The following TOMM40L variants were observed in gnomAD, a reference collection of about 807,000 sequenced individuals.
TOMM40L encodes the protein translocase of outer mitochondrial membrane 40 like.
Under a neutral mutation model 38.3 loss-of-function variants are expected in TOMM40L, and 17 were observed. The observed-to-expected ratio is 0.44, with a 90% CI of 0.30 to 0.67. TOMM40L has a LOEUF of 0.67. Among genes scored for constraint, TOMM40L ranks in the 30% least tolerant of loss-of-function variants. The probability of loss-of-function intolerance (pLI) is 0.08; values close to 1 mark genes in which losing one functional copy is unlikely to be tolerated. For missense variants in TOMM40L, 294 were observed against 390.0 expected, an observed-to-expected ratio of 0.75 and a Z score of 2.07; for synonymous variants, 151 against 150.2, an observed-to-expected ratio of 1.01 and a Z score of -0.04.
chr1:161,228,106 G>A, intron 6 of TOMM40L, 80 bp from the exon 7 acceptor site: 4 of 1,583,100 alleles, frequency 2.5e-6, no homozygotes, highest in Non-Finnish European at 3.4e-6. Flanking sequence ...GGCAGGCTGG[G>A]GTGGCGGTTA....
Position 161,226,145 on chromosome 1 carries a change from T to C in TOMM40L, c.-136+9T>C, listed in dbSNP as rs1208863161. ...CATGATGGTCTGAGATGGTAAGGGA[T>C]ACTGCACCATTGCGGGCCTGGTCTT... On this transcript the variant is annotated intron_variant, in intron 1 of 9. Transcript: ENST00000367988. The C allele has an allele frequency of 4.2e-6, 1 of 238,068 alleles. No homozygotes were observed. Among genetic ancestry groups the C allele is most frequent in the Non-Finnish European group, 8.3e-6 (1 of 120,516 alleles). 14.7% of individuals were successfully genotyped at this position (238,068 alleles called of 1,614,324 possible). A position where few individuals can be genotyped will look rare whatever the true frequency, so the allele number is the denominator to read the frequency against.
Position 161,229,220 on chromosome 1 carries a change from T to C in TOMM40L, c.*125T>C. 8 of 1,393,322 alleles carry C rather than the reference T, an allele frequency of 5.7e-6. No homozygotes were observed. The highest frequency in any genetic ancestry group is 2.3e-4 in the Middle Eastern group (1 of 4,378). The allele number at this position is 1,393,322 out of a possible 1,614,324, so 86.3% of individuals were successfully genotyped here. ...TCTCTAGGACCCAGGAGCAGAGTGG[T>C]GGACAGGACCATGCCCTCCTCAGAA... is the stretch of plus-strand genomic sequence containing the variant. On this transcript the variant is annotated 3_prime_UTR_variant, in exon 10 of 10. Coordinates refer to ENST00000367988, the MANE Select transcript of TOMM40L (RefSeq NM_032174.6).
At chr1:161,227,499 T>G in intron 4 of TOMM40L, 137 bp from the exon 5 acceptor site, 1 of 1,052,410 alleles carries the variant, frequency 9.5e-7, no homozygotes, top group Non-Finnish European at 1.4e-6. Flanking sequence ...AGAGAAACAT[T>G]TTCTGTGAAG....
Position 161,229,096 on chromosome 1 carries a change from G to A in TOMM40L, c.*1G>A, listed in dbSNP as rs1208741264. On this transcript the variant is annotated 3_prime_UTR_variant, in exon 10 of 10. Transcript: ENST00000367988. ...TGGCTTCAGCATCACTGTGGGCTGA[G>A]GTTGTCCAGAGCCAGCCCCCACAGC... is the stretch of plus-strand genomic sequence containing the variant. 3.5e-5 allele frequency: 56 copies of A among 1,614,064 alleles called. No individual in the cohort carries two copies. Among genetic ancestry groups the A allele is most frequent in the Non-Finnish European group, 4.6e-5 (54 of 1,180,036 alleles).
chr1:161,229,726 G>A lies in TOMM40L; in HGVS notation c.*631G>A, dbSNP rs537248708. 6.2e-7 allele frequency: 1 copy of A among 1,614,190 alleles called. No individual in the cohort carries two copies. The highest frequency in any genetic ancestry group is 1.1e-5 in the South Asian group (1 of 91,082). ...CCCTTTGAACCCGGCCCAATCTTTG[G>A]TCCCAGCATTTTCCCACTCCAGTGT... On this transcript the variant is annotated 3_prime_UTR_variant, in exon 10 of 10. Coordinates refer to ENST00000367988, the MANE Select transcript of TOMM40L (RefSeq NM_032174.6).
At position 161,229,868 on chromosome 1, in the gene TOMM40L, A is replaced by G. The variant is rs1213536219; in HGVS notation, c.*773A>G. On this transcript the variant is annotated 3_prime_UTR_variant, in exon 10 of 10. Transcript: ENST00000367988. Reference sequence around the variant, plus strand: ...TGGATGTGCTGGATTTGGTACCCGTAGGCCTCATTAATGCTCCGGAGCTCA... The same window carrying G: ...TGGATGTGCTGGATTTGGTACCCGTGGGCCTCATTAATGCTCCGGAGCTCA... 1.9e-6 allele frequency: 3 copies of G among 1,614,196 alleles called. No homozygotes were observed.
Position 161,229,743 on chromosome 1 carries a change from C to T in TOMM40L, c.*648C>T. 5.0e-6 allele frequency: 8 copies of T among 1,614,266 alleles called. No individual in the cohort carries two copies. The highest frequency in any genetic ancestry group is 6.8e-6 in the Non-Finnish European group (8 of 1,180,052). On this transcript the variant is annotated 3_prime_UTR_variant, in exon 10 of 10. Coordinates refer to ENST00000367988, the MANE Select transcript of TOMM40L (RefSeq NM_032174.6). ...AATCTTTGGTCCCAGCATTTTCCCA[C>T]TCCAGTGTATCCAGGGTGTTCCAGG...
At position 161,230,429 on chromosome 1, in the gene TOMM40L, C is replaced by T. The variant is rs368739073; in HGVS notation, c.*1334C>T. The T allele has an allele frequency of 4.0e-5, 16 of 400,108 alleles. No individual in the cohort carries two copies. Among genetic ancestry groups the T allele is most frequent in the South Asian group, 2.3e-4 (5 of 21,748 alleles). The allele number at this position is 400,108 out of a possible 1,614,324, so 24.8% of individuals were successfully genotyped here. A position where few individuals can be genotyped will look rare whatever the true frequency, so the allele number is the denominator to read the frequency against. On this transcript the variant is annotated 3_prime_UTR_variant, in exon 10 of 10. Coordinates refer to ENST00000367988, the MANE Select transcript of TOMM40L (RefSeq NM_032174.6). ...CCTAACTTCAAGGGAAATGAGAAATCGAAGGAATTGGCCCAATGGCGAGGA... is the reference window on the plus strand; with the variant it reads ...CCTAACTTCAAGGGAAATGAGAAATTGAAGGAATTGGCCCAATGGCGAGGA...
At chr1:161,226,850 G>A in intron 2 of TOMM40L, 38 bp from the exon 3 acceptor site, 1 of 1,608,836 alleles carries the variant, frequency 6.2e-7, no homozygotes, top group Non-Finnish European at 8.5e-7. Flanking sequence ...GGGGTTCTTT[G>A]TCTGTGCTTA....
rs971545687 is a variant in TOMM40L, at chr1:161,229,684, A to G, written c.*589A>G. ...GAGGCAGTTATTGCTTTAGTCTTTCATTGCAACCACTGGGCTCCCTTTGAA... is the reference window on the plus strand; with the variant it reads ...GAGGCAGTTATTGCTTTAGTCTTTCGTTGCAACCACTGGGCTCCCTTTGAA... On this transcript the variant is annotated 3_prime_UTR_variant, in exon 10 of 10. Transcript: ENST00000367988. 2 of 1,613,902 alleles carry G rather than the reference A, an allele frequency of 1.2e-6. No homozygotes were observed. Among genetic ancestry groups the G allele is most frequent in the Admixed American group, 1.7e-5 (1 of 60,008 alleles).
At position 161,227,663 on chromosome 1, in the gene TOMM40L, G is replaced by A. The variant is rs751095727; in HGVS notation, c.304G>A (p.Asp102Asn). ...EVFPTVVGDM[D>N]SSGSLNAQVL... Reference sequence around the variant, plus strand: ...GTTCCCCACTGTGGTAGGGGATATGGACAGCAGTGGCAGCCTGAACGCCCA... The same window carrying A: ...GTTCCCCACTGTGGTAGGGGATATGAACAGCAGTGGCAGCCTGAACGCCCA... Residue 102 changes from aspartate (D) to asparagine (N), a missense_variant, in exon 5 of 10, where the codon GAC (aspartate) becomes AAC (asparagine). By Grantham distance (23) the Asp-to-Asn change is conservative (BLOSUM62 1). Coordinates refer to ENST00000367988, the MANE Select transcript of TOMM40L (RefSeq NM_032174.6). The A allele has an allele frequency of 1.9e-5, 30 of 1,613,548 alleles. 1 individual carries two copies. In the South Asian group the frequency reaches 3.2e-4, roughly 17 times the overall value.
chr1:161,228,241 A>G lies in TOMM40L; in HGVS notation c.540A>G (p.Gly180=), dbSNP rs564568531. ...QSLTHRLVLG[G]ELVYHRRPGE... ...TCACTCATCGGCTGGTGCTGGGAGG[A>G]GAGCTAGTTTATCACCGGCGGCCAG... The change falls in exon 7 of 10, where the codon GGA becomes GGG. Residue 180 remains glycine, a synonymous_variant. Transcript: ENST00000367988. 3.7e-5 allele frequency: 59 copies of G among 1,606,830 alleles called. 1 individual carries two copies. Among genetic ancestry groups the G allele is most frequent in the Middle Eastern group, 3.3e-4 (2 of 6,026 alleles).
Position 161,229,964 on chromosome 1 carries a change from G to A in TOMM40L, c.*869G>A, listed in dbSNP as rs756185699. 1 of 1,612,808 alleles carries A rather than the reference G, an allele frequency of 6.2e-7. No individual in the cohort carries two copies. Among genetic ancestry groups the A allele is most frequent in the Non-Finnish European group, 8.5e-7 (1 of 1,179,348 alleles). On this transcript the variant is annotated 3_prime_UTR_variant, in exon 10 of 10. Transcript: ENST00000367988. ...TAGTGGGGTTGCCAGGAAAACAGGA[G>A]GGAAATAAGGCAGTTGGGAGTCTTG...
chr1:161,230,644 G>A lies in TOMM40L; in HGVS notation c.*1549G>A. 1.2e-6 allele frequency: 1 copy of A among 839,066 alleles called. No homozygotes were observed. Among genetic ancestry groups the A allele is most frequent in the Non-Finnish European group, 1.8e-6 (1 of 548,292 alleles). 52.0% of individuals were successfully genotyped at this position (839,066 alleles called of 1,614,324 possible). ...CAGCAGTATCCAAATACAGCAATTT[G>A]GATGCTGAAACGATGTGAGACAGGG... On this transcript the variant is annotated 3_prime_UTR_variant, in exon 10 of 10. Coordinates refer to ENST00000367988, the MANE Select transcript of TOMM40L (RefSeq NM_032174.6).
intron 4 of TOMM40L, 122 bp from the exon 5 acceptor site, chr1:161,227,514 C>A (rs1233490885): frequency 1.9e-6 from 2 of 1,038,906 alleles, no homozygotes; most frequent in Non-Finnish European, 2.9e-6. Flanking sequence ...GTGAAGAGCC[C>A]AGAGTGTGTC....
At position 161,228,245 on chromosome 1, in the gene TOMM40L, C is replaced by A. The variant is rs769354698; in HGVS notation, c.544C>A (p.Leu182Ile). The change falls in exon 7 of 10, where the codon CTA becomes ATA. Residue 182 changes from leucine (L) to isoleucine (I), a missense_variant. Physicochemically the swap from Leu to Ile is conservative, Grantham distance 5. Transcript: ENST00000367988. ...LTHRLVLGGE[L>I]VYHRRPGEEG... ...TCATCGGCTGGTGCTGGGAGGAGAGCTAGTTTATCACCGGCGGCCAGGCGA... is the reference window on the plus strand; with the variant it reads ...TCATCGGCTGGTGCTGGGAGGAGAGATAGTTTATCACCGGCGGCCAGGCGA... 1 of 1,607,720 alleles carries A rather than the reference C, an allele frequency of 6.2e-7. No individual in the cohort carries two copies. Among genetic ancestry groups the A allele is most frequent in the East Asian group, 2.2e-5 (1 of 44,804 alleles).
At position 161,226,413 on chromosome 1, in the gene TOMM40L, G is replaced by T; in HGVS notation, c.-77G>T. On this transcript the variant is annotated 5_prime_UTR_variant, in exon 2 of 10. Coordinates refer to ENST00000367988, the MANE Select transcript of TOMM40L (RefSeq NM_032174.6). The stretch of plus-strand genomic sequence containing the variant: ...CTGGGGAGCCGGATAATGGGGGGTG[G>T]GGCCCGTTGGGGGGTAAAGGGGCAA... 2.3e-6 allele frequency: 3 copies of T among 1,282,532 alleles called. No homozygotes were observed. The highest frequency in any genetic ancestry group is 2.2e-6 in the Non-Finnish European group (2 of 923,808). The allele number at this position is 1,282,532 out of a possible 1,614,324, so 79.4% of individuals were successfully genotyped here.
chr1:161,226,202 G>C (rs1258957079), intron 1 of TOMM40L, 66 bp downstream of exon 1: 1 of 366,238 alleles, frequency 2.7e-6, no homozygotes, highest in Non-Finnish European at 5.1e-6. Flanking sequence ...GAGAGGCTAG[G>C]GAGCTAGGTG....
Position 161,226,087 on chromosome 1 carries a change from G to C in TOMM40L, c.-185G>C, listed in dbSNP as rs1666324477. 2 of 164,706 alleles carry C rather than the reference G, an allele frequency of 1.2e-5. No homozygotes were observed. Among genetic ancestry groups the C allele is most frequent in the Admixed American group, 1.3e-4 (2 of 15,634 alleles). 10.2% of individuals were successfully genotyped at this position (164,706 alleles called of 1,614,324 possible). A position where few individuals can be genotyped will look rare whatever the true frequency, so the allele number is the denominator to read the frequency against. ...CACTCAAGATGGCTGCCCCCATCAA[G>C]ATGACCGGGGTGTGCCGGGGGGAAA... is the stretch of plus-strand genomic sequence containing the variant. On this transcript the variant is annotated 5_prime_UTR_variant, in exon 1 of 10. Coordinates refer to ENST00000367988, the MANE Select transcript of TOMM40L (RefSeq NM_032174.6).
Sources: gnomAD v4.1 joint callset for allele counts on GRCh38, gnomAD v4.1.1 for gene constraint, MANE v1.5 for transcripts, NCBI Gene and HGNC (gene_info 2026-07-23, HGNC 2026-07-21) for gene names.